STARD13: variants seen among roughly 807,000 people sequenced by gnomAD.
STARD13 encodes the protein StAR related lipid transfer domain containing 13, also known as stAR-related lipid transfer protein 13.
Under a neutral mutation model 106.4 loss-of-function variants are expected in STARD13, and 62 were observed. That is an observed-to-expected ratio of 0.58 (90% confidence interval 0.48 to 0.72). STARD13 has a LOEUF of 0.72. STARD13 is among the 30% of genes least tolerant of loss of function. The pLI, the probability that STARD13 is intolerant of heterozygous loss-of-function variation, is 0.00. For synonymous variants in STARD13, 565 were observed against 553.0 expected (o/e 1.02, Z -0.31); for missense variants, 1,387 against 1,424.0 (o/e 0.97, Z 0.42).
chr13:33,590,129 C>T, the STARD13 span, among the ~76,000 whole-genome samples: 1 of 152,010 alleles, frequency 6.6e-6, no homozygotes, highest in African/African-American at 2.4e-5. Context: ...CAGAGAAATG[C>T]AAATCAAAAC....
the STARD13 span, among the ~76,000 whole-genome samples, chr13:33,403,792 C>A: frequency 1.3e-5 from 2 of 152,140 alleles, no homozygotes; most frequent in African/African-American, 2.4e-5. Flanking sequence ...GCATTTTTCC[C>A]TCCCAAAACT....
At chr13:33,193,877 G>A (rs181592852) in intron 1 of STARD13, among the ~76,000 whole-genome samples, 195 of 152,264 alleles carry the variant, frequency 1.3e-3, no homozygotes, top group Non-Finnish European at 2.4e-3. Context: ...AGTGCTACAC[G>A]GCTCCATGGT....
intron 1 of STARD13, among the ~76,000 whole-genome samples, chr13:33,243,760 C>T (rs185156558): frequency 2.6e-4 from 39 of 152,206 alleles, no homozygotes; most frequent in African/African-American, 9.2e-4. Context: ...TGGAGATTCT[C>T]ATATTATCAG....
the STARD13 span, among the ~76,000 whole-genome samples, chr13:33,467,959 C>T: frequency 2.0e-5 from 3 of 152,122 alleles, no homozygotes; most frequent in African/African-American, 7.2e-5. Flanking sequence ...GTTACTTAAG[C>T]AAACCTCATG....
At chr13:33,536,955 G>C in the STARD13 span, among the ~76,000 whole-genome samples, 1 of 152,144 alleles carries the variant, frequency 6.6e-6, no homozygotes, top group Non-Finnish European at 1.5e-5. Context: ...TATTAGAGCT[G>C]CTTTAAATTT....
rs1370094822 is a variant in STARD13, at chr13:33,130,364, GC to G, written c.388-76del. 2.1e-6 allele frequency: 3 copies of G among 1,427,130 alleles called. No homozygotes were observed. Among genetic ancestry groups the G allele is most frequent in the East Asian group, 4.6e-5 (2 of 43,766 alleles). The allele number at this position is 1,427,130 out of a possible 1,614,324, so 88.4% of individuals were successfully genotyped here. A position where few individuals can be genotyped will look rare whatever the true frequency, so the allele number is the denominator to read the frequency against. The stretch of plus-strand genomic sequence containing the variant: ...AGGAACTCTGGGTGCTCTGAGGGCA[GC>G]CCTGTGTGGTCCTCCACCTCCCTCC... On this transcript the variant is annotated intron_variant, in intron 4 of 13. Transcript: ENST00000336934. The surrounding 1 kb of genome is among the most constrained non-coding windows in gnomAD (Gnocchi z 4.1).
chr13:33,348,233 T>C (rs1347249446), downstream of STARD13, among the ~76,000 whole-genome samples: 2 of 152,230 alleles, frequency 1.3e-5, no homozygotes, highest in African/African-American at 4.8e-5. Context: ...TTGAGAGCAC[T>C]CTTATAGTTC....
the STARD13 span, among the ~76,000 whole-genome samples, chr13:33,456,643 T>C: frequency 6.6e-6 from 1 of 152,202 alleles, no homozygotes; most frequent in Non-Finnish European, 1.5e-5. Context: ...CATTCCTGTG[T>C]CCTTCTCTTT....
chr13:33,546,475 G>A, the STARD13 span, among the ~76,000 whole-genome samples: 2 of 152,016 alleles, frequency 1.3e-5, no homozygotes, highest in African/African-American at 2.4e-5. Flanking sequence ...TTGAGTCTCT[G>A]TAGCCTTTAT....
At chr13:33,181,343 A>C (rs1885218755) in intron 1 of STARD13, among the ~76,000 whole-genome samples, 1 of 152,108 alleles carries the variant, frequency 6.6e-6, no homozygotes, top group African/African-American at 2.4e-5. Context: ...TAAAACTGCA[A>C]ACATCCTTAA....
chr13:33,431,670 C>T, the STARD13 span, among the ~76,000 whole-genome samples: 1 of 152,130 alleles, frequency 6.6e-6, no homozygotes. Flanking sequence ...AATAGACGTG[C>T]AAAATTTAAC....
At chr13:33,211,314 C>A (rs9596964) in intron 1 of STARD13, among the ~76,000 whole-genome samples, 14,242 of 151,680 alleles carry the variant, frequency 0.094, 1,382 homozygotes, top group African/African-American at 0.24. Flanking sequence ...TTAAATAATG[C>A]AGAAGCATAG....
chr13:33,319,809 C>T (rs1440665542), intron 1 of STARD13, among the ~76,000 whole-genome samples: 1 of 152,182 alleles, frequency 6.6e-6, no homozygotes, highest in East Asian at 1.9e-4. Flanking sequence ...TGGACAAAAA[C>T]TTAAAACTTG....
chr13:33,370,619 C>CTTTTTTTTTT, the STARD13 span, among the ~76,000 whole-genome samples: 1 of 131,620 alleles, frequency 7.6e-6, no homozygotes, highest in African/African-American at 3.0e-5. Flanking sequence ...TTCTTTCTTT[C>CTTTTTTTTTT]TTTTTTTTTT....
chr13:33,109,568 A>C (rs1370476903), intron 12 of STARD13, among the ~76,000 whole-genome samples: 1 of 152,240 alleles, frequency 6.6e-6, no homozygotes, highest in Non-Finnish European at 1.5e-5. Flanking sequence ...GCAACCGGAC[A>C]AACAGCAGCT....
chr13:33,620,304 A>G, the STARD13 span, among the ~76,000 whole-genome samples: 1 of 148,352 alleles, frequency 6.7e-6, no homozygotes, highest in African/African-American at 2.5e-5. Context: ...TTTTTTTGAG[A>G]CAAAGTCTCA....
chr13:33,430,761 T>G, the STARD13 span, among the ~76,000 whole-genome samples: 1 of 152,166 alleles, frequency 6.6e-6, no homozygotes, highest in Admixed American at 6.6e-5. Context: ...TCCTGTCATT[T>G]GCAGTAACAT....
chr13:33,215,002 T>C (rs1372885695), intron 1 of STARD13, among the ~76,000 whole-genome samples: 6 of 151,946 alleles, frequency 3.9e-5, no homozygotes, highest in Non-Finnish European at 7.4e-5. Flanking sequence ...CTGTAGTTTT[T>C]CCCCTCAGAC....
chr13:33,304,299 T>C (rs1424683954), intron 1 of STARD13, among the ~76,000 whole-genome samples: 1 of 152,172 alleles, frequency 6.6e-6, no homozygotes, highest in African/African-American at 2.4e-5. Context: ...TTATTTTTCT[T>C]AAAGATTTTA....
Sources: allele counts gnomAD v4.1 joint callset (sites outside exome capture counted in the v4.1 genomes callset), GRCh38; gene constraint gnomAD v4.1.1; non-coding constraint Gnocchi (gnomAD v3.1); transcripts MANE v1.5; gene names NCBI Gene and HGNC (gene_info 2026-07-23, HGNC 2026-07-21).